Variants in DNAI7 observed in about 807,000 individuals in gnomAD.
DNAI7 encodes the protein cancer susceptibility 1.
In DNAI7, 78 loss-of-function variants were observed where a neutral mutation model predicts 86.6. The observed-to-expected ratio is 0.90, with a 90% CI of 0.75 to 1.09. DNAI7 has a LOEUF of 1.09. Among genes scored for constraint, DNAI7 ranks in the 50% least tolerant of loss-of-function variants. The pLI, the probability that DNAI7 is intolerant of heterozygous loss-of-function variation, is 0.00. For missense variants in DNAI7, 753 were observed against 810.2 expected, an observed-to-expected ratio of 0.93 and a Z score of 0.86; for synonymous variants, 274 against 273.0, an observed-to-expected ratio of 1.00 and a Z score of -0.04.
chr12:25,158,232 A>G (rs958021184), intron 4 of DNAI7, among the ~76,000 whole-genome samples: 53 of 145,898 alleles, frequency 3.6e-4, no homozygotes, highest in South Asian at 8.6e-4. Flanking sequence ...CCATCTCAAG[A>G]AAAAAAAAAA....
At chr12:25,136,273 C>T (rs1374666598) in intron 9 of DNAI7, among the ~76,000 whole-genome samples, 1 of 152,198 alleles carries the variant, frequency 6.6e-6, no homozygotes, top group African/African-American at 2.4e-5. Context: ...ACCTGGAGCG[C>T]AGTAGCTCCA....
At position 25,144,697 on chromosome 12, in the gene DNAI7, A is replaced by G; in HGVS notation, c.690-20T>C. On this transcript the variant is annotated intron_variant, in intron 8 of 15. Transcript: ENST00000395987. ...CTGTGCCTGTTAATAATTAATTACAACAAAAAAAGATGAGACCCTAGGAAA... is the reference window on the plus strand; with the variant it reads ...CTGTGCCTGTTAATAATTAATTACAGCAAAAAAAGATGAGACCCTAGGAAA... 6.3e-7 allele frequency: 1 copy of G among 1,575,916 alleles called. No individual in the cohort carries two copies. Among genetic ancestry groups the G allele is most frequent in the Non-Finnish European group, 8.6e-7 (1 of 1,156,742 alleles).
At chr12:25,190,263 C>T (rs1329027333) in intron 2 of DNAI7, among the ~76,000 whole-genome samples, 1 of 152,016 alleles carries the variant, frequency 6.6e-6, no homozygotes, top group Non-Finnish European at 1.5e-5. Context: ...AGCCATAGCA[C>T]ATTTTATAAT....
At chr12:25,179,894 G>A (rs1949340397) in intron 2 of DNAI7, among the ~76,000 whole-genome samples, 1 of 152,142 alleles carries the variant, frequency 6.6e-6, no homozygotes, top group Non-Finnish European at 1.5e-5. Flanking sequence ...TGAAAAGGGT[G>A]TCCACTCTCA....
At chr12:25,107,901 C>T (rs1949318868), downstream of DNAI7, 2 of 1,614,094 alleles carry the variant, frequency 1.2e-6, no homozygotes. Context: ...CTATTGCATT[C>T]ATTGTACTGT....
At chr12:25,174,491 TATATCC>T in intron 2 of DNAI7, among the ~76,000 whole-genome samples, 1 of 76,776 alleles carries the variant, frequency 1.3e-5, no homozygotes, top group Non-Finnish European at 2.9e-5. Context: ...ATATATATCA[TATATCC>T]CATATATATG....
intron 2 of DNAI7, among the ~76,000 whole-genome samples, chr12:25,173,885 C>A (rs1211836159): frequency 8.6e-6 from 1 of 115,852 alleles, no homozygotes; most frequent in Non-Finnish European, 1.8e-5. Context: ...ATATACACAT[C>A]ATTCATATAT....
Position 25,149,768 on chromosome 12 carries a change from C to T in DNAI7, c.445G>A (p.Glu149Lys), listed in dbSNP as rs1945280235. 6.7e-7 allele frequency: 1 copy of T among 1,492,862 alleles called. No homozygotes were observed. Among genetic ancestry groups the T allele is most frequent in the Admixed American group, 1.8e-5 (1 of 56,942 alleles). 92.5% of individuals were successfully genotyped at this position (1,492,862 alleles called of 1,614,324 possible). A position where few individuals can be genotyped will look rare whatever the true frequency, so the allele number is the denominator to read the frequency against. The change falls in exon 7 of 16, where the codon GAG becomes AAG. Residue 149 changes from glutamate (E) to lysine (K), a missense_variant. Transcript: ENST00000395987. ...TCCAGTAAAATAAATTTCAATTTCT[C>T]AATTAACTGTAAAGTAAAAGAATAT... ...EKSKVVLNLI[E>K]KLKFILLETP... is the part of the protein sequence containing the mutation.
At chr12:25,152,096 T>G (rs1751572658) in intron 6 of DNAI7, among the ~76,000 whole-genome samples, 1 of 152,212 alleles carries the variant, frequency 6.6e-6, no homozygotes, top group Non-Finnish European at 1.5e-5. Context: ...TAAAAAGAAA[T>G]AAATATTTGG....
chr12:25,149,515 G>A, intron 7 of DNAI7, 113 bp downstream of exon 7: 1 of 726,822 alleles, frequency 1.4e-6, no homozygotes, highest in Non-Finnish European at 2.3e-6. Flanking sequence ...AAATTATTCT[G>A]CTAACTTTTC....
At chr12:25,122,729 C>T (rs1278486149) in intron 10 of DNAI7, among the ~76,000 whole-genome samples, 1 of 152,092 alleles carries the variant, frequency 6.6e-6, no homozygotes, top group South Asian at 2.1e-4. Context: ...AGAAGTGTTG[C>T]GAGATTTTCA....
chr12:25,119,507 T>TA (rs1274948141), intron 11 of DNAI7, among the ~76,000 whole-genome samples: 6 of 152,254 alleles, frequency 3.9e-5, no homozygotes, highest in Non-Finnish European at 7.3e-5. Flanking sequence ...CAGAACTTCC[T>TA]ATGGGCCAGA....
At chr12:25,129,293 G>A (rs1287638593) in intron 9 of DNAI7, among the ~76,000 whole-genome samples, 2 of 152,152 alleles carry the variant, frequency 1.3e-5, no homozygotes, top group East Asian at 3.9e-4. Context: ...CTTATTTATT[G>A]TTGATTTCTC....
chr12:25,115,863 T>C (rs1268568975), intron 12 of DNAI7, among the ~76,000 whole-genome samples: 2 of 152,178 alleles, frequency 1.3e-5, no homozygotes, highest in Non-Finnish European at 2.9e-5. Flanking sequence ...CATGCAAACA[T>C]TCTCTTCATC....
At chr12:25,147,992 G>A (rs1945081906) in intron 7 of DNAI7, among the ~76,000 whole-genome samples, 1 of 152,134 alleles carries the variant, frequency 6.6e-6, no homozygotes, top group African/African-American at 2.4e-5. Context: ...TATTGCTCAA[G>A]GAATCAGCTG....
chr12:25,157,413 C>G (rs1035979481), intron 4 of DNAI7, among the ~76,000 whole-genome samples: 1 of 151,128 alleles, frequency 6.6e-6, no homozygotes, highest in Non-Finnish European at 1.5e-5. Context: ...ATGCTTCATA[C>G]AAAACAACAT....
At chr12:25,150,645 TG>T (rs1355040713) in intron 6 of DNAI7, among the ~76,000 whole-genome samples, 1 of 150,664 alleles carries the variant, frequency 6.6e-6, no homozygotes, top group Non-Finnish European at 1.5e-5. Context: ...GAACATCATA[TG>T]GCTTCTGATA....
intron 1 of DNAI7, among the ~76,000 whole-genome samples, chr12:25,194,667 T>C (rs1281447151): frequency 2.6e-5 from 4 of 152,218 alleles, no homozygotes; most frequent in African/African-American, 9.7e-5. Flanking sequence ...AAAATATTTT[T>C]TCAAAGCAGA....
At chr12:25,162,823 C>A (rs995910478) in intron 2 of DNAI7, among the ~76,000 whole-genome samples, 1 of 152,220 alleles carries the variant, frequency 6.6e-6, no homozygotes, top group African/African-American at 2.4e-5. Flanking sequence ...TCCAGTGAAA[C>A]TCAACTTTCC....
Sources: gnomAD v4.1 joint callset for allele counts (sites outside exome capture counted in the v4.1 genomes callset) on GRCh38, gnomAD v4.1.1 for gene constraint, MANE v1.5 for transcripts, NCBI Gene and HGNC (gene_info 2026-07-23, HGNC 2026-07-21) for gene names.